The following ERC2 variants were observed in gnomAD, a reference collection of about 807,000 sequenced individuals.
The protein encoded by ERC2 is ERC protein 2.
ERC2 carries 42 observed loss-of-function variants against 114.8 expected under a neutral mutation model. The ratio of observed to expected loss-of-function variants is 0.37; its 90% confidence interval spans 0.29 to 0.47. The LOEUF (loss-of-function observed/expected upper bound fraction) is 0.47, where lower values mean the gene tolerates loss of function less well. Ranked by LOEUF, ERC2 falls within the 20% of genes least tolerant of loss-of-function variation. The pLI is 0.99. For missense variants in ERC2, 939 were observed against 1,150.7 expected (o/e 0.82, Z 2.66); for synonymous variants, 454 against 425.5 (o/e 1.07, Z -0.82).
chr3:55,596,399 T>C (rs2148514007), intron 17 of ERC2, among the ~76,000 whole-genome samples: 1 of 151,854 alleles, frequency 6.6e-6, no homozygotes, highest in Non-Finnish European at 1.5e-5. Flanking sequence ...CTGGGCAACA[T>C]AGTGAGACCC....
intron 8 of ERC2, among the ~76,000 whole-genome samples, chr3:56,017,938 G>C (rs1044633114): frequency 6.6e-6 from 1 of 152,128 alleles, no homozygotes; most frequent in African/African-American, 2.4e-5. Flanking sequence ...TGGGCACAGG[G>C]AATGGAAAGA....
intron 14 of ERC2, among the ~76,000 whole-genome samples, chr3:55,872,670 T>C (rs2062638595): frequency 6.6e-6 from 1 of 152,166 alleles, no homozygotes; most frequent in African/African-American, 2.4e-5. Context: ...ACGGCTCTGA[T>C]TGATGGCCAA....
At chr3:56,045,619 C>T (rs779064996) in intron 7 of ERC2, among the ~76,000 whole-genome samples, 17 of 152,152 alleles carry the variant, frequency 1.1e-4, no homozygotes, top group Non-Finnish European at 2.1e-4. Context: ...TAACTTTGAG[C>T]ACCTTTAAAA....
chr3:55,509,126 A>T lies in ERC2; in HGVS notation c.*2190T>A, dbSNP rs1281298442. The T allele has an allele frequency of 6.6e-6, 1 of 152,652 alleles. No individual in the cohort carries two copies. The highest frequency in any genetic ancestry group is 1.5e-5 in the Non-Finnish European group (1 of 68,044). 9.5% of individuals were successfully genotyped at this position (152,652 alleles called of 1,614,324 possible). On this transcript the variant is annotated 3_prime_UTR_variant, in exon 18 of 18. Coordinates refer to ENST00000288221, the MANE Select transcript of ERC2 (RefSeq NM_015576.3). The stretch of plus-strand genomic sequence containing the variant: ...AATTATACGACCTCATAAAGGTAAG[A>T]TCAGTAATATTTTAACCAATGAAAG...
intron 2 of ERC2, among the ~76,000 whole-genome samples, chr3:56,341,588 CAA>C (rs111538851): frequency 1.8e-4 from 25 of 135,612 alleles, no homozygotes; most frequent in African/African-American, 5.9e-4. Context: ...CTTTTAGGGG[CAA>C]AAAAAAAAAA....
chr3:55,832,457 C>T (rs553425804), intron 14 of ERC2, among the ~76,000 whole-genome samples: 9 of 152,334 alleles, frequency 5.9e-5, no homozygotes, highest in East Asian at 5.8e-4. Flanking sequence ...CACGAAAATC[C>T]GCTGTTCTGC....
intron 17 of ERC2, among the ~76,000 whole-genome samples, chr3:55,551,490 T>C (rs2055204756): frequency 6.6e-6 from 1 of 152,042 alleles, no homozygotes; most frequent in African/African-American, 2.4e-5. Context: ...GCCACTGCAC[T>C]CCAGCCTTGG....
chr3:55,760,163 C>T (rs756572301), intron 14 of ERC2, among the ~76,000 whole-genome samples: 5 of 152,154 alleles, frequency 3.3e-5, no homozygotes, highest in Non-Finnish European at 5.9e-5. Context: ...ATCAAAGAAC[C>T]TGTAATATCA....
At chr3:55,910,007 T>A (rs539774566) in intron 13 of ERC2, among the ~76,000 whole-genome samples, 3 of 152,280 alleles carry the variant, frequency 2.0e-5, no homozygotes, top group African/African-American at 7.2e-5. Context: ...TACATATACG[T>A]TATGTATTCA....
intron 16 of ERC2, among the ~76,000 whole-genome samples, chr3:55,691,698 C>T (rs1346550057): frequency 6.7e-6 from 1 of 149,854 alleles, no homozygotes; most frequent in Admixed American, 6.7e-5. Context: ...AGGTTACTAT[C>T]ATGGGGAACT....
chr3:55,715,383 A>G (rs2064055333), intron 15 of ERC2, among the ~76,000 whole-genome samples: 1 of 152,176 alleles, frequency 6.6e-6, no homozygotes, highest in Admixed American at 6.5e-5. Flanking sequence ...TTAATAGTAT[A>G]GCTCTAAGTT....
At chr3:55,809,687 T>C (rs1037206973) in intron 14 of ERC2, among the ~76,000 whole-genome samples, 1 of 152,176 alleles carries the variant, frequency 6.6e-6, no homozygotes. Flanking sequence ...CATTTGTCTA[T>C]CAACACAACC....
chr3:55,960,167 T>C (rs1402954976), intron 12 of ERC2, among the ~76,000 whole-genome samples: 1 of 152,156 alleles, frequency 6.6e-6, no homozygotes, highest in Non-Finnish European at 1.5e-5. Flanking sequence ...AGATTGGGTG[T>C]TTCAAAGTAA....
intron 3 of ERC2, among the ~76,000 whole-genome samples, chr3:56,288,480 G>T (rs919158137): frequency 1.3e-5 from 2 of 152,034 alleles, no homozygotes; most frequent in African/African-American, 4.8e-5. Context: ...GCTTTCTGGG[G>T]CTCCACCAGT....
intron 2 of ERC2, among the ~76,000 whole-genome samples, chr3:56,419,269 G>A (rs1417266033): frequency 6.6e-6 from 1 of 152,156 alleles, no homozygotes; most frequent in Non-Finnish European, 1.5e-5. Context: ...AACTGCATTT[G>A]TAGTATGAGA....
intron 15 of ERC2, among the ~76,000 whole-genome samples, chr3:55,725,154 A>G (rs2064831136): frequency 6.6e-6 from 1 of 152,176 alleles, no homozygotes; most frequent in African/African-American, 2.4e-5. Context: ...GGGTGCTTCA[A>G]GTTACTGAAG....
At chr3:56,019,328 C>G (rs1327563200) in intron 7 of ERC2, among the ~76,000 whole-genome samples, 1 of 152,100 alleles carries the variant, frequency 6.6e-6, no homozygotes, top group Non-Finnish European at 1.5e-5. Context: ...CTTTTACCAG[C>G]CTTTTAGGTC....
At chr3:55,536,670 C>T (rs2054018791) in intron 17 of ERC2, among the ~76,000 whole-genome samples, 1 of 152,198 alleles carries the variant, frequency 6.6e-6, no homozygotes, top group African/African-American at 2.4e-5. Context: ...TCTGAACTTC[C>T]TGGCCCCTGC....
Position 55,656,098 on chromosome 3 carries a change from C to CTTTA in ERC2, c.*39+27692_*39+27695dup, listed in dbSNP as rs144217897. On this transcript the variant is annotated intron_variant, in intron 17 of 17. Transcript: ENST00000288221. ...GGCACAGGTATATCCATGGAATGCA[C>CTTTA]TTTATTTATTTATTTATTTATTTAT... 1.8e-3 allele frequency among the ~76,000 whole-genome samples: 275 copies of CTTTA among 150,206 alleles called. 5 individuals are homozygous for CTTTA. The East Asian group carries it at 0.022, about 12-fold the overall frequency.
Sources: gnomAD v4.1 joint callset for allele counts (sites outside exome capture counted in the v4.1 genomes callset) on GRCh38, gnomAD v4.1.1 for gene constraint, MANE v1.5 for transcripts, NCBI Gene and HGNC (gene_info 2026-07-23, HGNC 2026-07-21) for gene names.